The following PGAP4 variants were observed in gnomAD, a reference collection of about 807,000 sequenced individuals.
PGAP4 encodes the protein GPI-N-acetylgalactosamine transferase PGAP4.
Under a neutral mutation model 28.2 loss-of-function variants are expected in PGAP4, and 12 were observed. The ratio of observed to expected loss-of-function variants is 0.42; its 90% confidence interval spans 0.27 to 0.69. PGAP4 has a LOEUF of 0.69. Among genes scored for constraint, PGAP4 ranks in the 30% least tolerant of loss-of-function variants. The pLI, the probability that PGAP4 is intolerant of heterozygous loss-of-function variation, is 0.22. For synonymous variants in PGAP4, 205 were observed against 211.8 expected (o/e 0.97, Z 0.28); for missense variants, 425 against 513.5 (o/e 0.83, Z 1.67).
chr9:101,515,766 T>G (rs540599568), intron 2 of PGAP4, among the ~76,000 whole-genome samples: 1 of 152,298 alleles, frequency 6.6e-6, no homozygotes, highest in African/African-American at 2.4e-5. Flanking sequence ...AACAAATTTC[T>G]TTGTGAAAAA....
intron 2 of PGAP4, among the ~76,000 whole-genome samples, chr9:101,495,152 A>G (rs1485994538): frequency 2.1e-5 from 2 of 94,980 alleles, no homozygotes; most frequent in Non-Finnish European, 4.2e-5. Flanking sequence ...TTTTATATAT[A>G]TTATATATTT....
rs769208809 is a variant in PGAP4, at chr9:101,476,594, G to A, written c.499C>T (p.Arg167Cys). Residue 167 changes from arginine (R) to cysteine (C), a missense_variant, in exon 2 of 2, where the codon CGC becomes TGC. By Grantham distance (180) the Arg-to-Cys change is radical. Coordinates refer to ENST00000374848, the MANE Select transcript of PGAP4 (RefSeq NM_032342.3). The surrounding 1 kb of genome is among the most constrained non-coding windows in gnomAD (Gnocchi z 7.0). The stretch of plus-strand genomic sequence containing the variant: ...TAATCATCCTCAGTGCCCTCATAGC[G>A]ATTGGCCACAGGGACATACTTGGAG... Reference protein sequence around the residue: ...LLSKYVPVANRYEGTEDDYGD... With the variant: ...LLSKYVPVANCYEGTEDDYGD... 41 of 1,614,024 alleles carry A rather than the reference G, an allele frequency of 2.5e-5. No homozygotes were observed. The highest frequency in any genetic ancestry group is 3.4e-5 in the Non-Finnish European group (40 of 1,180,052).
chr9:101,476,363 T>A lies in PGAP4; in HGVS notation c.730A>T (p.Lys244Ter). The A allele has an allele frequency of 6.2e-7, 1 of 1,613,532 alleles. No individual in the cohort carries two copies. The highest frequency in any genetic ancestry group is 8.5e-7 in the Non-Finnish European group (1 of 1,179,736). ...TGGAGCCTCTCGGGGTGATACAGCT[T>A]GAGATAAAGGGCATCTCTGAGATGT... The part of the protein sequence containing the change: ...EPHLRDALYL[K>*]LYHPERLQHY... The change falls in exon 2 of 2, where the codon AAG becomes TAG. Residue 244 changes from lysine to a stop codon, truncating the protein, a stop_gained. Transcript: ENST00000374848. LOFTEE classifies it high-confidence loss of function. This position sits in a 1 kb window ranked among gnomAD's most constrained non-coding sequence, Gnocchi z 7.0.
chr9:101,507,264 ATCT>A (rs1826855720), intron 2 of PGAP4, among the ~76,000 whole-genome samples: 1 of 152,014 alleles, frequency 6.6e-6, no homozygotes, highest in Non-Finnish European at 1.5e-5. Flanking sequence ...ACAGGACTCT[ATCT>A]ATCTGTTACA....
intron 2 of PGAP4, among the ~76,000 whole-genome samples, chr9:101,504,206 T>TG (rs1826828971): frequency 8.3e-6 from 1 of 120,504 alleles, no homozygotes; most frequent in Non-Finnish European, 1.7e-5. Flanking sequence ...TGTGTGTGTG[T>TG]TTGTTTTTTT....
At chr9:101,519,621 C>CTA (rs954822875) in intron 2 of PGAP4, among the ~76,000 whole-genome samples, 2 of 150,368 alleles carry the variant, frequency 1.3e-5, no homozygotes, top group African/African-American at 2.4e-5. Context: ...TTATTATTTA[C>CTA]TATATATATG....
intron 2 of PGAP4, among the ~76,000 whole-genome samples, chr9:101,528,794 GT>G (rs201196657): frequency 0.063 from 8,777 of 140,094 alleles, 263 homozygotes; most frequent in Admixed American, 0.097. Flanking sequence ...ACACTTCTTA[GT>G]TTTTTTTTTT....
chr9:101,495,428 A>T (rs547953643), intron 2 of PGAP4, among the ~76,000 whole-genome samples: 13 of 134,756 alleles, frequency 9.6e-5, no homozygotes, highest in African/African-American at 3.6e-4. Flanking sequence ...ATATATGCTT[A>T]TATTTTATAT....
In PGAP4 at chr9:101,473,752, T is replaced by A. The variant is rs894919206; in HGVS notation, c.*2129A>T. On this transcript the variant is annotated 3_prime_UTR_variant, in exon 2 of 2. Transcript: ENST00000374848. Reference sequence around the variant, plus strand: ...TAGCTTAAAGGGGCTCTACTGTCATTGGTCAAAAAACTTTCATGAGGAGAT... The same window carrying A: ...TAGCTTAAAGGGGCTCTACTGTCATAGGTCAAAAAACTTTCATGAGGAGAT... 2 of 152,256 alleles carry A rather than the reference T, an allele frequency of 1.3e-5. No homozygotes were observed. The highest frequency in any genetic ancestry group is 4.8e-5 in the African/African-American group (2 of 41,458). The allele number at this position is 152,256 out of a possible 1,614,324, so 9.4% of individuals were successfully genotyped here.
chr9:101,501,887 T>G (rs893442633), intron 2 of PGAP4: 5 of 427,464 alleles, frequency 1.2e-5, no homozygotes, highest in Non-Finnish European at 2.3e-5. Flanking sequence ...GTGGAACATG[T>G]TTGCGGCAGA....
chr9:101,494,638 G>T (rs1439589314), intron 2 of PGAP4, among the ~76,000 whole-genome samples: 1 of 151,748 alleles, frequency 6.6e-6, no homozygotes, highest in African/African-American at 2.4e-5. Context: ...AAACTTATCA[G>T]AAATCTGTGT....
Position 101,486,809 on chromosome 9 carries a change from G to A in PGAP4, c.-78+140C>T, listed in dbSNP as rs1826627346. 6.6e-6 allele frequency: 1 copy of A among 152,630 alleles called. No individual in the cohort carries two copies. Among genetic ancestry groups the A allele is most frequent in the Admixed American group, 6.5e-5 (1 of 15,294 alleles). 9.5% of individuals were successfully genotyped at this position (152,630 alleles called of 1,614,324 possible). A position where few individuals can be genotyped will look rare whatever the true frequency, so the allele number is the denominator to read the frequency against. On this transcript the variant is annotated intron_variant, in intron 1 of 1. Coordinates refer to ENST00000374848, the MANE Select transcript of PGAP4 (RefSeq NM_032342.3). This position sits in a 1 kb window ranked among gnomAD's most constrained non-coding sequence, Gnocchi z 4.7. ...GCACTGCCCGGGGCACAGGCCCTCT[G>A]CGATGACTCTCCCCAACCCCCAGCT...
upstream of PGAP4, among the ~76,000 whole-genome samples, chr9:101,492,137 G>A (rs1317212932): frequency 6.6e-6 from 1 of 151,390 alleles, no homozygotes; most frequent in Non-Finnish European, 1.5e-5. Flanking sequence ...TTTTGCTTTG[G>A]CACATATACG....
rs113179260 is a variant in PGAP4 at position 101,508,675 on chromosome 9, T to TA, written c.-164-19476_-164-19475insT. 6.5e-3 allele frequency among the ~76,000 whole-genome samples: 995 copies of TA among 152,270 alleles called. 10 individuals carry two copies. The highest frequency in any genetic ancestry group is 0.034 in the Middle Eastern group (10 of 294). On this transcript the variant is annotated intron_variant, in intron 2 of 3. Transcript: ENST00000374851. ...CCACAGACAGGGTCGGGGGATGGTT[T>TA]CAGAATGATTCAAGTGCATTACATT...
At chr9:101,508,773 C>T (rs1156778615) in intron 2 of PGAP4, among the ~76,000 whole-genome samples, 2 of 152,068 alleles carry the variant, frequency 1.3e-5, no homozygotes, top group Non-Finnish European at 2.9e-5. Flanking sequence ...CACCATAATG[C>T]AGAATCTACG....
intron 2 of PGAP4, among the ~76,000 whole-genome samples, chr9:101,518,080 T>C (rs1013478303): frequency 3.3e-5 from 5 of 152,118 alleles, no homozygotes; most frequent in African/African-American, 1.2e-4. Context: ...TTTCCATCTT[T>C]GTGTCCACGT....
At chr9:101,504,860 CA>C (rs780053010) in intron 2 of PGAP4, among the ~76,000 whole-genome samples, 7 of 152,072 alleles carry the variant, frequency 4.6e-5, no homozygotes, top group Non-Finnish European at 7.4e-5. Context: ...AGCCAAGCCA[CA>C]ACTTGGCTGG....
chr9:101,513,035 T>C (rs191200005), intron 2 of PGAP4, among the ~76,000 whole-genome samples: 16 of 152,322 alleles, frequency 1.1e-4, no homozygotes, highest in Admixed American at 7.9e-4. Context: ...TAAATCCTAT[T>C]GCTGCATTTG....
intron 2 of PGAP4, among the ~76,000 whole-genome samples, chr9:101,525,183 C>T (rs893066471): frequency 1.4e-4 from 22 of 152,210 alleles, no homozygotes; most frequent in African/African-American, 4.8e-4. Context: ...TTTGAGAAAT[C>T]TCCAAACTGC....
Sources: gnomAD v4.1 joint callset for allele counts (sites outside exome capture counted in the v4.1 genomes callset) on GRCh38, gnomAD v4.1.1 for gene constraint, Gnocchi (gnomAD v3.1) non-coding constraint, MANE v1.5 for transcripts, NCBI Gene and HGNC (gene_info 2026-07-23, HGNC 2026-07-21) for gene names.